Variants in CNGB3 observed in about 807,000 individuals in gnomAD.
CNGB3 encodes cyclic nucleotide gated channel subunit beta 3.
In CNGB3, 86 loss-of-function variants were observed where a neutral mutation model predicts 92.8. The observed-to-expected ratio is 0.93, with a 90% CI of 0.78 to 1.11. The LOEUF (loss-of-function observed/expected upper bound fraction) is 1.11, where lower values mean the gene tolerates loss of function less well. CNGB3 is among the 50% of genes least tolerant of loss of function. CNGB3 has a pLI of 0.00. For missense variants in CNGB3, 1,026 were observed against 956.8 expected (o/e 1.07, Z -0.95); for synonymous variants, 333 against 332.7 (o/e 1.00, Z -0.01).
rs114633314 is a variant in CNGB3 at position 86,602,894 on chromosome 8, G to A, written c.1781+1199C>T. ...AAAAGACATAAATTCCTATCATGGC[G>A]TAAAAGACCATGTTATCTGGGTCTT... On this transcript the variant is annotated intron_variant, in intron 15 of 17. Transcript: ENST00000320005. Among the ~76,000 whole-genome samples, 847 of 152,226 alleles carry A rather than the reference G, an allele frequency of 5.6e-3. 6 individuals carry two copies. The highest frequency in any genetic ancestry group is 0.019 in the African/African-American group (780 of 41,530).
intron 15 of CNGB3, chr8:86,593,784 G>T: frequency 7.5e-7 from 1 of 1,329,372 alleles, no homozygotes; most frequent in Non-Finnish European, 1.1e-6. Context: ...TTATCAATGA[G>T]CCCCTGGTAG....
At chr8:86,631,235 T>C (rs1299463962) in intron 11 of CNGB3, among the ~76,000 whole-genome samples, 1 of 152,198 alleles carries the variant, frequency 6.6e-6, no homozygotes, top group Non-Finnish European at 1.5e-5. Context: ...TTCACTAGTC[T>C]GAGGTGGGGC....
At chr8:86,660,205 C>A in intron 6 of CNGB3, 1 of 306,188 alleles carries the variant, frequency 3.3e-6, no homozygotes, top group Non-Finnish European at 6.7e-6. Flanking sequence ...GCTCTTGTAC[C>A]TACACCAGAG....
chr8:86,680,994 T>C (rs531221825), intron 3 of CNGB3, among the ~76,000 whole-genome samples: 25 of 152,258 alleles, frequency 1.6e-4, no homozygotes, highest in African/African-American at 6.0e-4. Context: ...GCTCCTACGC[T>C]TTGCTCTGTG....
chr8:86,726,398 T>C, intron 3 of CNGB3, 133 bp downstream of exon 3: 2 of 1,265,032 alleles, frequency 1.6e-6, no homozygotes, highest in East Asian at 2.3e-5. Flanking sequence ...CTGACACAGT[T>C]TTTTTGTGTT....
intron 8 of CNGB3, among the ~76,000 whole-genome samples, chr8:86,645,462 A>G (rs372428537): frequency 7.9e-5 from 12 of 151,278 alleles, no homozygotes; most frequent in African/African-American, 2.4e-4. Flanking sequence ...TGGTTTCCTC[A>G]TCTGTAAAAT....
intron 3 of CNGB3, among the ~76,000 whole-genome samples, chr8:86,691,294 A>G (rs753707837): frequency 3.9e-5 from 6 of 152,162 alleles, no homozygotes; most frequent in Admixed American, 6.5e-5. Flanking sequence ...AGGGTTTTCT[A>G]GGTATACAAT....
At chr8:86,737,532 C>G (rs970711047) in intron 2 of CNGB3, among the ~76,000 whole-genome samples, 3 of 152,008 alleles carry the variant, frequency 2.0e-5, no homozygotes, top group Non-Finnish European at 2.9e-5. Context: ...TTTAATGTAG[C>G]ATTTCCAAAT....
intron 3 of CNGB3, among the ~76,000 whole-genome samples, chr8:86,720,844 A>G (rs1824959056): frequency 3.7e-5 from 1 of 26,950 alleles, no homozygotes; most frequent in African/African-American, 1.2e-4. Flanking sequence ...ATGTATACAC[A>G]CACACACACA....
intron 3 of CNGB3, among the ~76,000 whole-genome samples, chr8:86,690,174 C>A (rs896581684): frequency 1.3e-5 from 2 of 152,198 alleles, no homozygotes; most frequent in Non-Finnish European, 2.9e-5. Context: ...TTTACAGTCC[C>A]ACCAACAGTG....
chr8:86,680,195 G>A (rs1403543404), intron 3 of CNGB3, among the ~76,000 whole-genome samples: 1 of 152,146 alleles, frequency 6.6e-6, no homozygotes, highest in Non-Finnish European at 1.5e-5. Context: ...CATACATCCC[G>A]AGATGACAGA....
chr8:86,732,143 T>C (rs184272773), intron 2 of CNGB3, among the ~76,000 whole-genome samples: 116 of 152,328 alleles, frequency 7.6e-4, no homozygotes, highest in African/African-American at 2.6e-3. Context: ...ATGAAACACG[T>C]AATGACAGTA....
intron 7 of CNGB3, among the ~76,000 whole-genome samples, chr8:86,652,412 TA>T (rs1472964156): frequency 3.9e-5 from 6 of 151,964 alleles, no homozygotes. Context: ...TCTTTAATAA[TA>T]AAGTAAACCT....
At position 86,643,885 on chromosome 8, in the gene CNGB3, A is replaced by C. The variant is rs776836310; in HGVS notation, c.1056-12T>G. The C allele has an allele frequency of 6.2e-7, 1 of 1,602,540 alleles. No individual in the cohort carries two copies. Among genetic ancestry groups the C allele is most frequent in the East Asian group, 2.2e-5 (1 of 44,606 alleles). On this transcript the variant is annotated splice_polypyrimidine_tract_variant and intron_variant, in intron 9 of 17. Transcript: ENST00000320005. ...TTGTTCGAATAACTCTGTCAGAGAG[A>C]ATAGATGCAAAGTAAGATTCATGTT...
intron 3 of CNGB3, among the ~76,000 whole-genome samples, chr8:86,692,933 A>G (rs1415568230): frequency 6.6e-6 from 1 of 152,022 alleles, no homozygotes; most frequent in East Asian, 1.9e-4. Flanking sequence ...GTAGTGGTGA[A>G]TTCTCTCAGG....
intron 17 of CNGB3, 34 bp from the exon 18 acceptor site, chr8:86,576,164 A>G (rs1321040826): frequency 6.3e-7 from 1 of 1,596,162 alleles, no homozygotes; most frequent in Admixed American, 1.7e-5. Context: ...CTGGTGTTGA[A>G]ATCGTAATTA....
In CNGB3 at chr8:86,735,045, T is replaced by G. The variant is rs1353611879; in HGVS notation, c.211+4610A>C. Among the ~76,000 whole-genome samples, 31 of 40,106 alleles carry G rather than the reference T, an allele frequency of 7.7e-4. 1 individual carries two copies. The highest frequency in any genetic ancestry group is 3.8e-3 in the East Asian group (2 of 520). The allele number at this position is 40,106 out of a possible 152,430, so 26.3% of individuals were successfully genotyped here. ...GTCAAATTCTCAAATGCCGGTGGTTTTTTTTTTTTTTTTTTTTTTTTTTTT... is the reference window on the plus strand; with the variant it reads ...GTCAAATTCTCAAATGCCGGTGGTTGTTTTTTTTTTTTTTTTTTTTTTTTT... On this transcript the variant is annotated intron_variant, in intron 2 of 17. Transcript: ENST00000320005.
intron 3 of CNGB3, among the ~76,000 whole-genome samples, chr8:86,679,830 T>C (rs1824046367): frequency 6.6e-6 from 1 of 152,140 alleles, no homozygotes; most frequent in African/African-American, 2.4e-5. Context: ...CTGGCCAGGA[T>C]TGGTGTCCTT....
intron 13 of CNGB3, among the ~76,000 whole-genome samples, chr8:86,616,642 T>G (rs1183081056): frequency 6.6e-6 from 1 of 152,164 alleles, no homozygotes; most frequent in Non-Finnish European, 1.5e-5. Flanking sequence ...TTCTATAAAG[T>G]GAGAGTAACT....
Sources: gnomAD v4.1 joint callset for allele counts (sites outside exome capture counted in the v4.1 genomes callset) on GRCh38, gnomAD v4.1.1 for gene constraint, MANE v1.5 for transcripts, NCBI Gene and HGNC (gene_info 2026-07-23, HGNC 2026-07-21) for gene names.